The following ARHGAP22 variants were observed in gnomAD, a reference collection of about 807,000 sequenced individuals.
The protein encoded by ARHGAP22 is Rho GTPase activating protein 22, also known as rho GTPase-activating protein 22.
In ARHGAP22, 48 loss-of-function variants were observed where a neutral mutation model predicts 59.1. The ratio of observed to expected loss-of-function variants is 0.81; its 90% CI spans 0.64 to 1.03. ARHGAP22 has a LOEUF of 1.03. Ranked by LOEUF, ARHGAP22 falls within the 50% of genes least tolerant of loss-of-function variation. ARHGAP22 has a pLI of 0.00. For missense variants in ARHGAP22, 1,015 were observed against 958.7 expected (o/e 1.06, Z -0.78); for synonymous variants, 445 against 416.4 (o/e 1.07, Z -0.84).
At chr10:48,623,416 C>T (rs2061348554) in intron 1 of ARHGAP22, among the ~76,000 whole-genome samples, 1 of 152,224 alleles carries the variant, frequency 6.6e-6, no homozygotes, top group African/African-American at 2.4e-5. Flanking sequence ...CTTCTTATGG[C>T]TCTGTGTCTC....
intron 3 of ARHGAP22, among the ~76,000 whole-genome samples, chr10:48,483,027 A>G (rs2049483070): frequency 6.6e-6 from 1 of 152,080 alleles, no homozygotes; most frequent in Non-Finnish European, 1.5e-5. Context: ...AAGTGAGAAC[A>G]TGCAATATTT....
At chr10:48,525,472 C>CTGAG (rs1385979214) in intron 3 of ARHGAP22, among the ~76,000 whole-genome samples, 1 of 152,186 alleles carries the variant, frequency 6.6e-6, no homozygotes, top group African/African-American at 2.4e-5. Context: ...ACTTGGGAGG[C>CTGAG]TGAGGCATGA....
intron 2 of ARHGAP22, among the ~76,000 whole-genome samples, chr10:48,573,650 A>G (rs2058533527): frequency 6.6e-6 from 1 of 152,218 alleles, no homozygotes; most frequent in African/African-American, 2.4e-5. Context: ...TCATTTCAGA[A>G]CCCATTCTAA....
intron 2 of ARHGAP22, among the ~76,000 whole-genome samples, chr10:48,577,336 C>T (rs2058782085): frequency 6.6e-6 from 1 of 152,160 alleles, no homozygotes; most frequent in African/African-American, 2.4e-5. Flanking sequence ...CTCTTTTTGT[C>T]TTGGTTCCTC....
At chr10:48,531,411 C>T (rs1353135791) in intron 3 of ARHGAP22, among the ~76,000 whole-genome samples, 1 of 152,138 alleles carries the variant, frequency 6.6e-6, no homozygotes, top group African/African-American at 2.4e-5. Flanking sequence ...TCCCCCAAAA[C>T]CTATTGAAAT....
At chr10:48,439,154 C>T in the ARHGAP22 span, 1 of 151,782 alleles carries the variant, frequency 6.6e-6, no homozygotes, top group Non-Finnish European at 1.5e-5. Flanking sequence ...TCCTCTCCTT[C>T]CCTGTGTTCC....
intron 3 of ARHGAP22, among the ~76,000 whole-genome samples, chr10:48,527,125 G>C (rs1439992932): frequency 6.6e-6 from 1 of 152,360 alleles, no homozygotes; most frequent in South Asian, 2.1e-4. Flanking sequence ...GAAAGGTGAA[G>C]AGACTTGCCC....
At chr10:48,583,313 T>G (rs1451180484) in intron 1 of ARHGAP22, among the ~76,000 whole-genome samples, 161 bp from the exon 2 acceptor site, 1 of 152,214 alleles carries the variant, frequency 6.6e-6, no homozygotes, top group Non-Finnish European at 1.5e-5. Context: ...TGAAGGGGCA[T>G]GGGTTGGAGC....
intron 7 of ARHGAP22, 102 bp downstream of exon 7, chr10:48,453,986 G>T: frequency 8.0e-7 from 1 of 1,253,946 alleles, no homozygotes; most frequent in Non-Finnish European, 1.2e-6. Flanking sequence ...GGAATGACCC[G>T]GGCCCCCCTC....
At chr10:48,486,436 G>A (rs1455581260) in intron 3 of ARHGAP22, among the ~76,000 whole-genome samples, 1 of 151,938 alleles carries the variant, frequency 6.6e-6, no homozygotes, top group Admixed American at 6.6e-5. Flanking sequence ...TGCCTCCTGG[G>A]TTCAAGCAAT....
chr10:48,653,235 T>C (rs1489085142), upstream of ARHGAP22, among the ~76,000 whole-genome samples: 4 of 152,202 alleles, frequency 2.6e-5, no homozygotes, highest in African/African-American at 9.6e-5. Context: ...TGAAACACCT[T>C]TCAATTGCAG....
intron 3 of ARHGAP22, among the ~76,000 whole-genome samples, chr10:48,489,586 T>C (rs547906429): frequency 6.6e-6 from 1 of 152,354 alleles, no homozygotes; most frequent in African/African-American, 2.4e-5. Context: ...AGAATTACAC[T>C]GGCAAATATT....
chr10:48,441,642 CAGGGTTT>C (rs1406619109), downstream of ARHGAP22, among the ~76,000 whole-genome samples: 1 of 152,034 alleles, frequency 6.6e-6, no homozygotes, highest in East Asian at 1.9e-4. Context: ...TTAGTAGAGA[CAGGGTTT>C]CACCATGTTA....
At chr10:48,556,518 C>G (rs918723998) in intron 2 of ARHGAP22, 1 of 152,214 alleles carries the variant, frequency 6.6e-6, no homozygotes, top group Non-Finnish European at 1.5e-5. Flanking sequence ...ATTTTTGGTC[C>G]TCTCAATGGG....
At chr10:48,434,336 T>C in the ARHGAP22 span, among the ~76,000 whole-genome samples, 2 of 152,232 alleles carry the variant, frequency 1.3e-5, no homozygotes, top group African/African-American at 4.8e-5. Context: ...CTGTTAAACT[T>C]AATTTTATTC....
chr10:48,636,950 G>C (rs1409738724), intron 1 of ARHGAP22, among the ~76,000 whole-genome samples: 1 of 152,242 alleles, frequency 6.6e-6, no homozygotes, highest in Non-Finnish European at 1.5e-5. Flanking sequence ...ATATCAGGGA[G>C]GGCCGGAGTC....
chr10:48,616,958 T>C (rs1359995097), intron 1 of ARHGAP22, among the ~76,000 whole-genome samples: 2 of 152,082 alleles, frequency 1.3e-5, no homozygotes, highest in African/African-American at 4.8e-5. Flanking sequence ...GCAACTTCAC[T>C]TTTCTCATGT....
At chr10:48,648,980 AG>A (rs2062435040) in intron 1 of ARHGAP22, among the ~76,000 whole-genome samples, 1 of 152,170 alleles carries the variant, frequency 6.6e-6, no homozygotes, top group Admixed American at 6.5e-5. Flanking sequence ...GGAAGGGCCA[AG>A]GGTGGGAAGA....
intron 3 of ARHGAP22, among the ~76,000 whole-genome samples, chr10:48,498,571 T>C (rs1000278389): frequency 1.3e-5 from 2 of 152,172 alleles, no homozygotes; most frequent in African/African-American, 4.8e-5. Context: ...CCCCCTGCCC[T>C]ATCCTTTGTG....
Sources: allele counts gnomAD v4.1 joint callset (sites outside exome capture counted in the v4.1 genomes callset), GRCh38; gene constraint gnomAD v4.1.1; transcripts MANE v1.5; gene names NCBI Gene and HGNC (gene_info 2026-07-23, HGNC 2026-07-21).